PRR16: variants seen among roughly 807,000 people sequenced by gnomAD.
PRR16 encodes the protein protein Largen.
In PRR16, 6 loss-of-function variants were observed where a neutral mutation model predicts 18.2. The ratio of observed to expected loss-of-function variants is 0.33; its 90% CI spans 0.18 to 0.65. The LOEUF (loss-of-function observed/expected upper bound fraction) is 0.65, where lower values mean the gene tolerates loss of function less well. PRR16 is among the 30% of genes least tolerant of loss of function. PRR16 has a pLI of 0.74. For synonymous variants in PRR16, 151 were observed against 147.8 expected (o/e 1.02, Z -0.16); for missense variants, 412 against 376.6 (o/e 1.09, Z -0.78).
At position 120,464,501 on chromosome 5, in the gene PRR16, C is replaced by A; in HGVS notation, c.15C>A (p.Ser5=). Residue 5 remains serine, a synonymous_variant, in exon 1 of 2, where the codon TCC becomes TCA. Coordinates refer to ENST00000407149, the MANE Select transcript of PRR16 (RefSeq NM_001300783.2). ...GCCCCCAAAGAATGTCAGCCAAGTCCAAGGGGAACCCCTCCTCGTCCTGTC... is the reference window on the plus strand; with the variant it reads ...GCCCCCAAAGAATGTCAGCCAAGTCAAAGGGGAACCCCTCCTCGTCCTGTC... The part of the protein sequence containing the change: MSAK[S]KGNPSSSCPA... 1 of 1,590,358 alleles carries A rather than the reference C, an allele frequency of 6.3e-7. No individual in the cohort carries two copies. The highest frequency in any genetic ancestry group is 2.2e-5 in the East Asian group (1 of 44,578).
At chr5:120,709,179 T>C in the PRR16 span, among the ~76,000 whole-genome samples, 1 of 151,730 alleles carries the variant, frequency 6.6e-6, no homozygotes, top group African/African-American at 2.4e-5. Context: ...GGCTAATTTT[T>C]TGTATTTTTA....
chr5:120,579,512 C>G lies in PRR16; in HGVS notation c.160-106442C>G, dbSNP rs115745061. Among the ~76,000 whole-genome samples, 632 of 152,250 alleles carry G rather than the reference C, an allele frequency of 4.2e-3. 5 individuals carry two copies. Among genetic ancestry groups the G allele is most frequent in the African/African-American group, 0.014 (595 of 41,558 alleles). ...AGCATCATTTACTGATTAGGAGATC[C>G]TTTCCCGTTTGCTTGTATTTGTCAA... On this transcript the variant is annotated intron_variant, in intron 1 of 1. Coordinates refer to ENST00000407149, the MANE Select transcript of PRR16 (RefSeq NM_001300783.2).
the PRR16 span, among the ~76,000 whole-genome samples, chr5:120,742,288 T>TC: frequency 1.3e-5 from 2 of 150,462 alleles, no homozygotes; most frequent in Admixed American, 1.3e-4. Context: ...GGGTTTTTTT[T>TC]TTTTTGCATC....
At chr5:120,466,372 T>G (rs978609221) in intron 1 of PRR16, among the ~76,000 whole-genome samples, 3 of 152,174 alleles carry the variant, frequency 2.0e-5, no homozygotes, top group African/African-American at 7.2e-5. Flanking sequence ...ATGGGCGATG[T>G]GGAAAACCTA....
the PRR16 span, among the ~76,000 whole-genome samples, chr5:120,780,470 G>C: frequency 1.4e-4 from 21 of 152,034 alleles, no homozygotes; most frequent in Admixed American, 1.3e-3. Context: ...CATTTTTCAT[G>C]ATAATATTTT....
chr5:120,697,214 G>C, the PRR16 span, among the ~76,000 whole-genome samples: 2 of 152,172 alleles, frequency 1.3e-5, no homozygotes, highest in Non-Finnish European at 2.9e-5. Flanking sequence ...ATGTTCCTCT[G>C]AGGATGAGGC....
chr5:120,704,841 G>T, the PRR16 span, among the ~76,000 whole-genome samples: 1 of 152,104 alleles, frequency 6.6e-6, no homozygotes, highest in Non-Finnish European at 1.5e-5. Context: ...CAGTACTTAT[G>T]AAGCCTATTT....
intron 1 of PRR16, among the ~76,000 whole-genome samples, chr5:120,499,841 A>G (rs569738579): frequency 6.6e-6 from 1 of 151,320 alleles, no homozygotes; most frequent in Non-Finnish European, 1.5e-5. Context: ...AAACCTGGAC[A>G]TTTTAGGTAT....
the PRR16 span, among the ~76,000 whole-genome samples, chr5:120,779,950 A>G: frequency 2.0e-5 from 3 of 152,242 alleles, no homozygotes; most frequent in Middle Eastern, 3.4e-3. Context: ...ACAAAAATTT[A>G]TATCTGTTGA....
chr5:120,594,994 T>G (rs1753754714), intron 1 of PRR16, among the ~76,000 whole-genome samples: 1 of 151,600 alleles, frequency 6.6e-6, no homozygotes, highest in African/African-American at 2.4e-5. Flanking sequence ...AACCTAAAAC[T>G]ATAAAAACCA....
chr5:120,543,973 A>T (rs1002544958), intron 1 of PRR16, among the ~76,000 whole-genome samples: 1 of 152,110 alleles, frequency 6.6e-6, no homozygotes, highest in African/African-American at 2.4e-5. Context: ...TTTGTTTTTT[A>T]ATCATGAAGA....
At chr5:120,516,423 CAAAAAAAAAAA>C (rs531146634) in intron 1 of PRR16, among the ~76,000 whole-genome samples, 3 of 52,662 alleles carry the variant, frequency 5.7e-5, no homozygotes, top group African/African-American at 9.8e-5. Context: ...GATTATGTCT[CAAAAAAAAAAA>C]AAAAAAAAAA....
chr5:120,744,328 T>G, the PRR16 span, among the ~76,000 whole-genome samples: 1 of 152,204 alleles, frequency 6.6e-6, no homozygotes, highest in Admixed American at 6.6e-5. Context: ...AAAGGGACCC[T>G]TTACGTTTGA....
intron 1 of PRR16, among the ~76,000 whole-genome samples, chr5:120,571,923 C>T (rs1752919848): frequency 6.6e-6 from 1 of 152,066 alleles, no homozygotes; most frequent in South Asian, 2.1e-4. Flanking sequence ...ACAGGGACAT[C>T]TAGAAGGTCA....
chr5:120,764,492 T>G, the PRR16 span, among the ~76,000 whole-genome samples: 1 of 152,124 alleles, frequency 6.6e-6, no homozygotes, highest in African/African-American at 2.4e-5. Flanking sequence ...TGTGTCTATA[T>G]TCTAGATATA....
intron 1 of PRR16, among the ~76,000 whole-genome samples, chr5:120,535,439 G>T (rs1331785971): frequency 6.6e-6 from 1 of 152,050 alleles, no homozygotes; most frequent in African/African-American, 2.4e-5. Flanking sequence ...AACTATGTTT[G>T]TGTACATTTT....
chr5:120,513,361 G>A (rs189623048), intron 1 of PRR16, among the ~76,000 whole-genome samples: 3 of 152,184 alleles, frequency 2.0e-5, no homozygotes, highest in South Asian at 4.1e-4. Context: ...TCCTTTCACT[G>A]AATTCCTGAT....
downstream of PRR16, among the ~76,000 whole-genome samples, chr5:120,689,287 T>A: frequency 6.6e-6 from 1 of 152,192 alleles, no homozygotes; most frequent in East Asian, 1.9e-4. Flanking sequence ...TTAGTTATAT[T>A]TTTGCATATA....
At chr5:120,570,452 G>A (rs748624006) in intron 1 of PRR16, among the ~76,000 whole-genome samples, 6 of 152,154 alleles carry the variant, frequency 3.9e-5, no homozygotes, top group Non-Finnish European at 7.4e-5. Context: ...ATAATGTAGG[G>A]ACCTACGAAG....
Sources: gnomAD v4.1 joint callset for allele counts (sites outside exome capture counted in the v4.1 genomes callset) on GRCh38, gnomAD v4.1.1 for gene constraint, MANE v1.5 for transcripts, NCBI Gene and HGNC (gene_info 2026-07-23, HGNC 2026-07-21) for gene names.